Variants in SLC35B2 observed in about 807,000 individuals in gnomAD.
The protein encoded by SLC35B2 is adenosine 3'-phospho 5'-phosphosulfate transporter 1.
Under a neutral mutation model 37.9 loss-of-function variants are expected in SLC35B2, and 19 were observed. The observed-to-expected ratio is 0.50, with a 90% confidence interval of 0.35 to 0.74. The LOEUF (loss-of-function observed/expected upper bound fraction) is 0.74. Among genes scored for constraint, SLC35B2 ranks in the 30% least tolerant of loss-of-function variants. SLC35B2 has a pLI of 0.01. For missense variants in SLC35B2, 633 were observed against 547.6 expected, an observed-to-expected ratio of 1.16 and a Z score of -1.56; for synonymous variants, 277 against 225.2, an observed-to-expected ratio of 1.23 and a Z score of -2.06.
Position 44,254,492 on chromosome 6 carries a change from G to A in SLC35B2, c.*214C>T, listed in dbSNP as rs964349992. The A allele has an allele frequency of 4.2e-4, 240 of 572,148 alleles. 1 individual carries two copies. The highest frequency in any genetic ancestry group is 1.1e-4 in the Non-Finnish European group (36 of 327,170). The allele number at this position is 572,148 out of a possible 1,614,324, so 35.4% of individuals were successfully genotyped here. A position where few individuals can be genotyped will look rare whatever the true frequency, so the allele number is the denominator to read the frequency against. ...CCCTCACTGAGGACTGTCTACCCCC[G>A]GGGCTCAGAATAAACTGCTTACTGG... On this transcript the variant is annotated 3_prime_UTR_variant, in exon 4 of 4. Transcript: ENST00000393812.
At chr6:44,256,242 C>T (rs1272642909) in intron 3 of SLC35B2, 100 bp downstream of exon 3, 1 of 1,472,592 alleles carries the variant, frequency 6.8e-7, no homozygotes, top group Non-Finnish European at 9.1e-7. Flanking sequence ...ACGAAACACA[C>T]CAGCCAGCAA....
At position 44,254,958 on chromosome 6, in the gene SLC35B2, T is replaced by TG; in HGVS notation, c.1046dup (p.Cys350MetfsTer77). The TG allele has an allele frequency of 6.2e-7, 1 of 1,614,140 alleles. No homozygotes were observed. The highest frequency in any genetic ancestry group is 8.5e-7 in the Non-Finnish European group (1 of 1,180,020). ...TGTAAAAGATGAAGAGCTGGCCACA[T>TG]GCGGAGCAGATGGAGAGTAGCAGGG... On this transcript the variant is annotated frameshift_variant, in exon 4 of 4. Coordinates refer to ENST00000393812, the MANE Select transcript of SLC35B2 (RefSeq NM_178148.4). LOFTEE classifies it high-confidence loss of function.
intron 2 of SLC35B2, 58 bp downstream of exon 2, chr6:44,256,627 G>A: frequency 6.2e-7 from 1 of 1,611,384 alleles, no homozygotes; most frequent in South Asian, 1.1e-5. Context: ...CGTTTGGACT[G>A]CTGGCCAAAT....
Position 44,256,684 on chromosome 6 carries a change from C to A in SLC35B2, c.205+1G>T. The A allele has an allele frequency of 6.2e-7, 1 of 1,614,010 alleles. No homozygotes were observed. Among genetic ancestry groups the A allele is most frequent in the Non-Finnish European group, 8.5e-7 (1 of 1,179,968 alleles). On this transcript the variant is annotated splice_donor_variant, in intron 2 of 3. Transcript: ENST00000393812. LOFTEE classifies it high-confidence loss of function. ...CACTTCCCCGCCCTTTCTTCACACA[C>A]CGGTCTCCAGGTAGTTCTTCCGCCT...
upstream of SLC35B2, chr6:44,257,602 G>T: frequency 3.0e-6 from 1 of 329,228 alleles, no homozygotes; most frequent in Non-Finnish European, 4.7e-6. Flanking sequence ...CCGGGCCGCC[G>T]CCGGACCACA....
Position 44,254,587 on chromosome 6 carries a change from TCTGTGATA to T in SLC35B2, c.*111_*118del. 1.7e-6 allele frequency: 2 copies of T among 1,161,776 alleles called. No individual in the cohort carries two copies. The highest frequency in any genetic ancestry group is 4.8e-5 in the East Asian group (2 of 42,090). 72.0% of individuals were successfully genotyped at this position (1,161,776 alleles called of 1,614,324 possible). A position where few individuals can be genotyped will look rare whatever the true frequency, so the allele number is the denominator to read the frequency against. ...CCCCAATCCCCTGCTGCAGAGCTGGTCTGTGATACTGAGAAAACACCTGCATTTTGCCC... is the reference window on the plus strand; with the variant it reads ...CCCCAATCCCCTGCTGCAGAGCTGGTCTGAGAAAACACCTGCATTTTGCCC... On this transcript the variant is annotated 3_prime_UTR_variant, in exon 4 of 4. Transcript: ENST00000393812.
intron 1 of SLC35B2, 76 bp downstream of exon 1, chr6:44,257,324 G>GC: frequency 1.5e-6 from 2 of 1,309,538 alleles, no homozygotes; most frequent in South Asian, 2.1e-5. Context: ...ACCCCACCCG[G>GC]CCCCCGTGCT....
In SLC35B2 at chr6:44,255,365, G is replaced by A. The variant is rs1201559088; in HGVS notation, c.640C>T (p.Leu214=). Reference sequence around the variant, plus strand: ...GGGATCACCTTAGAGGCCTTGGCCAGCACCTGGGTGGGGAAGCTGACGAAC... The same window carrying A: ...GGGATCACCTTAGAGGCCTTGGCCAACACCTGGGTGGGGAAGCTGACGAAC... ...LKFVSFPTQV[L]AKASKVIPVM... Residue 214 remains leucine, a synonymous_variant, in exon 4 of 4, where the codon CTG becomes TTG. Coordinates refer to ENST00000393812, the MANE Select transcript of SLC35B2 (RefSeq NM_178148.4). 6.2e-7 allele frequency: 1 copy of A among 1,614,142 alleles called. No individual in the cohort carries two copies. The highest frequency in any genetic ancestry group is 8.5e-7 in the Non-Finnish European group (1 of 1,180,050).
At position 44,254,923 on chromosome 6, in the gene SLC35B2, T is replaced by C; in HGVS notation, c.1082A>G (p.Gln361Arg). ...GQLFIFYTIGQFGAAVFTIIM... is the reference protein window; with the variant it reads ...GQLFIFYTIGRFGAAVFTIIM... ...GATGGTGAAGACGGCAGCCCCAAAC[T>C]GCCCAATGGTGTAAAAGATGAAGAG... Residue 361 changes from glutamine (Q) to arginine (R), a missense_variant, in exon 4 of 4, where the codon CAG becomes CGG. Physicochemically the swap from Gln to Arg is conservative, Grantham distance 43 (BLOSUM62 1). Transcript: ENST00000393812. 5.0e-6 allele frequency: 8 copies of C among 1,614,118 alleles called. No individual in the cohort carries two copies. Among genetic ancestry groups the C allele is most frequent in the East Asian group, 2.2e-5 (1 of 44,874 alleles).
Position 44,256,892 on chromosome 6 carries a change from G to C in SLC35B2, c.12-14C>G, listed in dbSNP as rs907813258. The C allele has an allele frequency of 3.1e-6, 5 of 1,597,372 alleles. No homozygotes were observed. Among genetic ancestry groups the C allele is most frequent in the Non-Finnish European group, 4.3e-6 (5 of 1,171,248 alleles). On this transcript the variant is annotated splice_polypyrimidine_tract_variant and intron_variant, in intron 1 of 3. Coordinates refer to ENST00000393812, the MANE Select transcript of SLC35B2 (RefSeq NM_178148.4). ...ACTGCCCACCATCTGTAAGGAAAGC[G>C]GACATAAGGATTAGGGCGCAGCTCC...
chr6:44,255,664 C>T lies in SLC35B2; in HGVS notation c.361-20G>A, dbSNP rs1781350767. Reference sequence around the variant, plus strand: ...AGACACCTGTTGGGGAAGGTAGAGACAAAGGAGACAATAAGCAAGATAATG... The same window carrying T: ...AGACACCTGTTGGGGAAGGTAGAGATAAAGGAGACAATAAGCAAGATAATG... On this transcript the variant is annotated intron_variant, in intron 3 of 3. Transcript: ENST00000393812. 2.5e-6 allele frequency: 4 copies of T among 1,593,074 alleles called. No homozygotes were observed. The highest frequency in any genetic ancestry group is 3.4e-6 in the Non-Finnish European group (4 of 1,168,448).
rs1381326137 is a variant in SLC35B2, at chr6:44,256,395, T to C, written c.307A>G (p.Thr103Ala). The change falls in exon 3 of 4, where the codon ACC (threonine) becomes GCC (alanine). Residue 103 changes from threonine (T) to alanine (A), a missense_variant. Physicochemically the swap from Thr to Ala is moderately conservative, Grantham distance 58 (BLOSUM62 0). Transcript: ENST00000393812. ...PLAPRTEAAETTPMWQALKLL... is the reference protein window; with the variant it reads ...PLAPRTEAAEATPMWQALKLL... ...TTCAGGGCCTGCCACATCGGGGTGG[T>C]CTCTGCCGCCTCTGTTCGGGGCGCC... 1 of 1,614,016 alleles carries C rather than the reference T, an allele frequency of 6.2e-7. No individual in the cohort carries two copies. The highest frequency in any genetic ancestry group is 8.5e-7 in the Non-Finnish European group (1 of 1,180,022).
chr6:44,255,269 T>C lies in SLC35B2; in HGVS notation c.736A>G (p.Ile246Val), dbSNP rs1441475379. ...EHWEYLTATL[I>V]SIGVSMFLLS... is the part of the protein sequence containing the mutation. ...AGAAACATGCTGACCCCAATGGAGA[T>C]GAGGGTGGCTGTCAGGTACTCCCAG... Residue 246 changes from isoleucine to valine, a missense_variant, in exon 4 of 4, where the codon ATC becomes GTC. By Grantham distance (29) the Ile-to-Val change is conservative. Coordinates refer to ENST00000393812, the MANE Select transcript of SLC35B2 (RefSeq NM_178148.4). 1.2e-6 allele frequency: 2 copies of C among 1,614,108 alleles called. No individual in the cohort carries two copies. Among genetic ancestry groups the C allele is most frequent in the South Asian group, 2.2e-5 (2 of 91,070 alleles).
chr6:44,257,034 G>T, intron 1 of SLC35B2, 156 bp from the exon 2 acceptor site: 8 of 801,532 alleles, frequency 1.0e-5, no homozygotes, highest in Non-Finnish European at 1.3e-5. Flanking sequence ...TCTCTCTCTC[G>T]GGGAGGGGGT....
At position 44,255,351 on chromosome 6, in the gene SLC35B2, A is replaced by C; in HGVS notation, c.654T>G (p.Ser218=). The change falls in exon 4 of 4, where the codon TCT becomes TCG. Residue 218 remains serine, a synonymous_variant. Coordinates refer to ENST00000393812, the MANE Select transcript of SLC35B2 (RefSeq NM_178148.4). ...SFPTQVLAKA[S]KVIPVMLMGK... Reference sequence around the variant, plus strand: ...CCATCAGCATGACAGGGATCACCTTAGAGGCCTTGGCCAGCACCTGGGTGG... The same window carrying C: ...CCATCAGCATGACAGGGATCACCTTCGAGGCCTTGGCCAGCACCTGGGTGG... 6.2e-7 allele frequency: 1 copy of C among 1,614,264 alleles called. No individual in the cohort carries two copies.
Position 44,257,084 on chromosome 6 carries a change from G to C in SLC35B2, c.12-206C>G, listed in dbSNP as rs191832517. 6,165 of 638,182 alleles carry C rather than the reference G, an allele frequency of 9.7e-3. 42 individuals are homozygous for C. The highest frequency in any genetic ancestry group is 0.013 in the Non-Finnish European group (4,961 of 387,442). 39.5% of individuals were successfully genotyped at this position (638,182 alleles called of 1,614,324 possible). A position where few individuals can be genotyped will look rare whatever the true frequency, so the allele number is the denominator to read the frequency against. On this transcript the variant is annotated intron_variant, in intron 1 of 3. Transcript: ENST00000393812. Reference sequence around the variant, plus strand: ...CAGGCAGAGCTTCCTCCCTCCCCGGGGGCGGATCCGCCCCTCTGGCCACAC... The same window carrying C: ...CAGGCAGAGCTTCCTCCCTCCCCGGCGGCGGATCCGCCCCTCTGGCCACAC...
In SLC35B2 at chr6:44,257,467, C is replaced by T. The variant is rs1396826371; in HGVS notation, c.-57G>A. The T allele has an allele frequency of 8.9e-6, 11 of 1,239,588 alleles. No homozygotes were observed. The highest frequency in any genetic ancestry group is 1.1e-5 in the Non-Finnish European group (11 of 984,724). 76.8% of individuals were successfully genotyped at this position (1,239,588 alleles called of 1,614,324 possible). A position where few individuals can be genotyped will look rare whatever the true frequency, so the allele number is the denominator to read the frequency against. ...GGGGAATGCGAGTCCCCGGGCCGCG[C>T]GCCCCCTGCGCTCCCGCCGCCGCCT... On this transcript the variant is annotated 5_prime_UTR_variant, in exon 1 of 4. Coordinates refer to ENST00000393812, the MANE Select transcript of SLC35B2 (RefSeq NM_178148.4).
rs1040117936 is a variant in SLC35B2, at chr6:44,254,459, C to T, written c.*247G>A. On this transcript the variant is annotated 3_prime_UTR_variant, in exon 4 of 4. Transcript: ENST00000393812. ...CCTATGCTCTCTTGACCCCAAACTC[C>T]CCAAAACCCCTCACTGAGGACTGTC... 4 of 510,286 alleles carry T rather than the reference C, an allele frequency of 7.8e-6. No individual in the cohort carries two copies. The highest frequency in any genetic ancestry group is 1.4e-5 in the Non-Finnish European group (4 of 287,820). 31.6% of individuals were successfully genotyped at this position (510,286 alleles called of 1,614,324 possible). A position where few individuals can be genotyped will look rare whatever the true frequency, so the allele number is the denominator to read the frequency against.
At chr6:44,257,545 C>T (rs1781706644), upstream of SLC35B2, 1 of 870,766 alleles carries the variant, frequency 1.1e-6, no homozygotes, top group Non-Finnish European at 1.5e-6. Flanking sequence ...CTCTTCCCGC[C>T]TCCCTCCCCG....
Sources: allele counts gnomAD v4.1 joint callset, GRCh38; gene constraint gnomAD v4.1.1; transcripts MANE v1.5; gene names NCBI Gene and HGNC (gene_info 2026-07-23, HGNC 2026-07-21).